Variants in XRCC4 observed in about 807,000 individuals in gnomAD.
XRCC4 encodes X-ray repair cross complementing 4, also known as DNA repair protein XRCC4.
In XRCC4, 28 loss-of-function variants were observed where a neutral mutation model predicts 39.1. The observed-to-expected ratio is 0.72, with a 90% CI of 0.53 to 0.98. XRCC4 has a LOEUF of 0.98. XRCC4 is among the 50% of genes least tolerant of loss of function. The pLI, the probability that XRCC4 is intolerant of heterozygous loss-of-function variation, is 0.00. For synonymous variants in XRCC4, 123 were observed against 126.4 expected (o/e 0.97, Z 0.18); for missense variants, 350 against 376.4 (o/e 0.93, Z 0.58).
intron 6 of XRCC4, among the ~76,000 whole-genome samples, chr5:83,239,263 G>C (rs1752810443): frequency 6.6e-6 from 1 of 152,154 alleles, no homozygotes; most frequent in East Asian, 1.9e-4. Flanking sequence ...ACAATTAGTT[G>C]GAGTGCAAAG....
intron 3 of XRCC4, among the ~76,000 whole-genome samples, chr5:83,176,795 T>A (rs1022716656): frequency 6.6e-6 from 1 of 152,082 alleles, no homozygotes; most frequent in Non-Finnish European, 1.5e-5. Context: ...CTAATTTTCC[T>A]GTTTTTTAAA....
At chr5:83,320,590 T>A (rs1029899448) in intron 7 of XRCC4, among the ~76,000 whole-genome samples, 1 of 151,614 alleles carries the variant, frequency 6.6e-6, no homozygotes, top group African/African-American at 2.4e-5. Context: ...GAGAAATATT[T>A]TGTGAAGGGG....
At chr5:83,357,619 G>A (rs1037938803), downstream of XRCC4, among the ~76,000 whole-genome samples, 9 of 152,200 alleles carry the variant, frequency 5.9e-5, no homozygotes, top group Non-Finnish European at 1.3e-4. Flanking sequence ...CAGAAGCAAT[G>A]TTGGCCAAAG....
intron 1 of XRCC4, among the ~76,000 whole-genome samples, chr5:83,091,986 A>G (rs1437109973): frequency 2.0e-5 from 3 of 152,216 alleles, no homozygotes; most frequent in Non-Finnish European, 2.9e-5. Flanking sequence ...CCAACAGGAT[A>G]CAAAGGTTCC....
chr5:83,269,164 G>C (rs1754052956), intron 7 of XRCC4, among the ~76,000 whole-genome samples: 1 of 152,106 alleles, frequency 6.6e-6, no homozygotes, highest in Non-Finnish European at 1.5e-5. Context: ...ACTTCCAGAA[G>C]AGGAAAACAA....
chr5:83,259,736 C>G (rs1446607318), intron 7 of XRCC4, among the ~76,000 whole-genome samples: 2 of 151,984 alleles, frequency 1.3e-5, no homozygotes, highest in African/African-American at 4.8e-5. Flanking sequence ...ATTAATGAAT[C>G]TGTTTAAATT....
intron 7 of XRCC4, among the ~76,000 whole-genome samples, chr5:83,274,121 A>G (rs190404730): frequency 1.3e-5 from 2 of 152,292 alleles, no homozygotes; most frequent in Admixed American, 6.5e-5. Context: ...CAGGCACATG[A>G]TAAGTGTTCA....
chr5:83,090,061 GT>G (rs548348946), intron 1 of XRCC4, among the ~76,000 whole-genome samples: 1 of 151,996 alleles, frequency 6.6e-6, no homozygotes, highest in African/African-American at 2.4e-5. Context: ...CAAGAGTTTT[GT>G]TTTTTTGAGA....
chr5:83,239,157 G>A (rs984966332), intron 6 of XRCC4, among the ~76,000 whole-genome samples: 5 of 152,092 alleles, frequency 3.3e-5, no homozygotes, highest in Non-Finnish European at 5.9e-5. Flanking sequence ...TTAGGTGTTG[G>A]GCCTGATGTC....
chr5:83,261,336 A>C (rs3777039), intron 7 of XRCC4, among the ~76,000 whole-genome samples: 3,969 of 152,076 alleles, frequency 0.026, 138 homozygotes, highest in African/African-American at 0.082. Context: ...CTTGTCATCA[A>C]AAACATAAAC....
chr5:83,145,389 T>C (rs535067980), intron 3 of XRCC4, among the ~76,000 whole-genome samples: 1 of 152,212 alleles, frequency 6.6e-6, no homozygotes, highest in Non-Finnish European at 1.5e-5. Context: ...GGAGATTCTC[T>C]TAGACTCATC....
chr5:83,078,244 C>T (rs1220996001), intron 1 of XRCC4, among the ~76,000 whole-genome samples: 1 of 152,224 alleles, frequency 6.6e-6, no homozygotes, highest in Non-Finnish European at 1.5e-5. Context: ...GGTTCTACTA[C>T]ACACACACGT....
At chr5:83,252,391 G>C (rs1753354936) in intron 6 of XRCC4, among the ~76,000 whole-genome samples, 1 of 151,726 alleles carries the variant, frequency 6.6e-6, no homozygotes, top group African/African-American at 2.4e-5. Flanking sequence ...TGAGTACTCT[G>C]TGTTCATAAT....
At chr5:83,309,941 G>A (rs73138281) in intron 7 of XRCC4, among the ~76,000 whole-genome samples, 6,316 of 152,020 alleles carry the variant, frequency 0.042, 430 homozygotes, top group African/African-American at 0.14. Flanking sequence ...AAACATAAAC[G>A]TGTTCAAAAT....
At chr5:83,096,833 C>G (rs1745699234) in intron 1 of XRCC4, among the ~76,000 whole-genome samples, 1 of 152,194 alleles carries the variant, frequency 6.6e-6, no homozygotes, top group East Asian at 1.9e-4. Context: ...CCATAACAAT[C>G]TGCTTTGCAG....
the XRCC4 span, among the ~76,000 whole-genome samples, chr5:83,362,830 T>C: frequency 2.6e-5 from 4 of 152,168 alleles, no homozygotes; most frequent in Non-Finnish European, 4.4e-5. Flanking sequence ...AACTTAAAAT[T>C]TGGACTAAAT....
At chr5:83,131,478 T>G (rs2112481248) in intron 3 of XRCC4, among the ~76,000 whole-genome samples, 1 of 152,242 alleles carries the variant, frequency 6.6e-6, no homozygotes, top group East Asian at 1.9e-4. Flanking sequence ...GACAGTGGGG[T>G]GTTAAAGTCT....
At chr5:83,352,139 C>T (rs10805812) in intron 7 of XRCC4, among the ~76,000 whole-genome samples, 38,629 of 151,936 alleles carry the variant, frequency 0.25, 7,108 homozygotes, top group East Asian at 0.71. Context: ...ACATAGCTAA[C>T]ATGAAATAGA....
intron 6 of XRCC4, among the ~76,000 whole-genome samples, chr5:83,225,868 T>C (rs908529510): frequency 1.3e-5 from 2 of 151,714 alleles, no homozygotes; most frequent in Admixed American, 1.3e-4. Context: ...GCCCTGGAAA[T>C]GTTTGAATGC....
Sources: gnomAD v4.1 joint callset for allele counts (sites outside exome capture counted in the v4.1 genomes callset) on GRCh38, gnomAD v4.1.1 for gene constraint, MANE v1.5 for transcripts, NCBI Gene and HGNC (gene_info 2026-07-23, HGNC 2026-07-21) for gene names.